ABCF3: variants seen among roughly 807,000 people sequenced by gnomAD.
ABCF3 encodes ATP-binding cassette sub-family F member 3.
In ABCF3, 62 loss-of-function variants were observed where a neutral mutation model predicts 94.3. The observed-to-expected ratio is 0.66, with a 90% confidence interval of 0.54 to 0.81. ABCF3 has a LOEUF of 0.81. ABCF3 is among the 40% of genes least tolerant of loss of function. ABCF3 has a pLI of 0.00. For synonymous variants in ABCF3, 355 were observed against 361.1 expected (o/e 0.98, Z 0.19); for missense variants, 843 against 925.3 (o/e 0.91, Z 1.15).
At position 184,192,683 on chromosome 3, in the gene ABCF3, C is replaced by T; in HGVS notation, c.1652C>T (p.Ala551Val). The change falls in exon 17 of 21, where the codon GCT becomes GTT. Residue 551 changes from alanine (A) to valine (V), a missense_variant. Coordinates refer to ENST00000429586, the MANE Select transcript of ABCF3 (RefSeq NM_018358.3). ...DLAPVRGIRH[A>V]HRNLKIGYFS... ...GCACCTGTTCGGGGCATCAGACACG[C>T]TCACAGGTCAGGCCCACCCGCACCC... is the stretch of plus-strand genomic sequence containing the variant. The T allele has an allele frequency of 1.2e-6, 2 of 1,610,796 alleles. No homozygotes were observed. Among genetic ancestry groups the T allele is most frequent in the Non-Finnish European group, 1.7e-6 (2 of 1,178,980 alleles).
intron 3 of ABCF3, 141 bp from the exon 4 acceptor site, chr3:184,187,256 G>C (rs1715693317): frequency 5.5e-6 from 5 of 902,172 alleles, no homozygotes; most frequent in Non-Finnish European, 8.8e-6. Flanking sequence ...TTTAGTGCAG[G>C]GAAGATAATA....
chr3:184,186,915 C>A (rs760274008), intron 3 of ABCF3, 40 bp downstream of exon 3: 1 of 1,588,090 alleles, frequency 6.3e-7, no homozygotes, highest in South Asian at 1.1e-5. Context: ...CCCCCCTGTG[C>A]TTTTCTCCGC....
At chr3:184,186,318 G>C (rs749812144) in intron 1 of ABCF3, 38 bp downstream of exon 1, 2 of 1,613,184 alleles carry the variant, frequency 1.2e-6, no homozygotes, top group African/African-American at 2.7e-5. Flanking sequence ...GGAGACCGAA[G>C]TGGAGGCCGG....
intron 5 of ABCF3, 22 bp downstream of exon 5, chr3:184,187,783 C>T (rs769306232): frequency 4.3e-6 from 7 of 1,614,112 alleles, no homozygotes; most frequent in East Asian, 4.5e-5. Flanking sequence ...AAGCATGGCT[C>T]AGAAGAGAGC....
chr3:184,192,977 G>C (rs1322976764), intron 18 of ABCF3, 81 bp downstream of exon 18: 1 of 1,586,056 alleles, frequency 6.3e-7, no homozygotes, highest in African/African-American at 1.3e-5. Context: ...GGCCTGCCTT[G>C]GGGTGCGTGC....
In ABCF3 at chr3:184,193,320, T is replaced by A. The variant is rs1716147217; in HGVS notation, c.1884-45T>A. ...CTGTATCAGAAGGCTTTATTTTCTC[T>A]CACCGCACCCCTTCACTGCCCACCT... is the stretch of plus-strand genomic sequence containing the variant. On this transcript the variant is annotated intron_variant, in intron 19 of 20. Transcript: ENST00000429586. The surrounding 1 kb of genome is among the most constrained non-coding windows in gnomAD (Gnocchi z 5.2). The A allele has an allele frequency of 6.2e-7, 1 of 1,613,456 alleles. No homozygotes were observed. Among genetic ancestry groups the A allele is most frequent in the Admixed American group, 1.7e-5 (1 of 59,924 alleles).
At chr3:184,187,782 T>G in intron 5 of ABCF3, 21 bp downstream of exon 5, 1 of 1,614,098 alleles carries the variant, frequency 6.2e-7, no homozygotes, top group Non-Finnish European at 8.5e-7. Context: ...GAAGCATGGC[T>G]CAGAAGAGAG....
In ABCF3 at chr3:184,187,946, G is replaced by A; in HGVS notation, c.532G>A (p.Val178Met). ...ESSGKNKSYD[V>M]RIENFDVSFG... ...ATCTGGCAAGAACAAATCCTATGAT[G>A]TGCGAATTGAGAACTTTGATGTGTC... Residue 178 changes from valine to methionine, a missense_variant, in exon 6 of 21, where the codon GTG becomes ATG. Val to Met is a conservative substitution (Grantham distance 21). Coordinates refer to ENST00000429586, the MANE Select transcript of ABCF3 (RefSeq NM_018358.3). 6.2e-7 allele frequency: 1 copy of A among 1,614,114 alleles called. No homozygotes were observed. Among genetic ancestry groups the A allele is most frequent in the South Asian group, 1.1e-5 (1 of 91,092 alleles).
chr3:184,186,793 T>C lies in ABCF3; in HGVS notation c.222-3T>C, dbSNP rs199591659. 24 of 1,613,372 alleles carry C rather than the reference T, an allele frequency of 1.5e-5. No individual in the cohort carries two copies. The highest frequency in any genetic ancestry group is 2.0e-5 in the Non-Finnish European group (24 of 1,179,656). On this transcript the variant is annotated splice_polypyrimidine_tract_variant and splice_region_variant and intron_variant, in intron 2 of 20. Coordinates refer to ENST00000429586, the MANE Select transcript of ABCF3 (RefSeq NM_018358.3). ...TCTGCGCTTTCTATCCCTACCCACA[T>C]AGGGCTGAGCCACAAAGCCAGGGAA...
chr3:184,188,711 C>T, intron 7 of ABCF3, 50 bp from the exon 8 acceptor site: 1 of 1,575,194 alleles, frequency 6.3e-7, no homozygotes, highest in Non-Finnish European at 8.7e-7. Flanking sequence ...TGCAGGACAT[C>T]CTCCTAGACT....
rs1340845496 is a variant in ABCF3 at position 184,187,953 on chromosome 3, T to C, written c.539T>C (p.Ile180Thr). ...SGKNKSYDVR[I>T]ENFDVSFGDR... ...AAGAACAAATCCTATGATGTGCGAA[T>C]TGAGAACTTTGATGTGTCTTTTGGC... Residue 180 changes from isoleucine to threonine, a missense_variant, in exon 6 of 21, where the codon ATT becomes ACT. Coordinates refer to ENST00000429586, the MANE Select transcript of ABCF3 (RefSeq NM_018358.3). The C allele has an allele frequency of 6.2e-7, 1 of 1,614,000 alleles. No individual in the cohort carries two copies.
At position 184,191,219 on chromosome 3, in the gene ABCF3, C is replaced by G; in HGVS notation, c.1533C>G (p.Leu511=). 1.9e-6 allele frequency: 3 copies of G among 1,614,232 alleles called. No homozygotes were observed. Among genetic ancestry groups the G allele is most frequent in the Non-Finnish European group, 1.7e-6 (2 of 1,180,044 alleles). ...YDPKHVIFSR[L]SVSADLESRI... is the part of the protein sequence containing the mutation. ...CGAAGCACGTCATCTTCAGTCGCCTCTCTGTGTCTGCTGATCTCGAGTCTC... is the reference window on the plus strand; with the variant it reads ...CGAAGCACGTCATCTTCAGTCGCCTGTCTGTGTCTGCTGATCTCGAGTCTC... Residue 511 remains leucine (L), a synonymous_variant, in exon 16 of 21, where the codon CTC becomes CTG. Transcript: ENST00000429586.
In ABCF3 at chr3:184,191,033, G is replaced by A. The variant is rs760239106; in HGVS notation, c.1426G>A (p.Val476Ile). Residue 476 changes from valine (V) to isoleucine (I), a missense_variant, in exon 15 of 21, where the codon GTC becomes ATC. Val to Ile is a conservative substitution (Grantham distance 29). Coordinates refer to ENST00000429586, the MANE Select transcript of ABCF3 (RefSeq NM_018358.3). ...ELKPVDKESEVVMKFPDGFEK... is the reference protein window; with the variant it reads ...ELKPVDKESEIVMKFPDGFEK... ...GAAGCCTGTGGACAAGGAATCAGAG[G>A]TCGTAATGAAGTAAGTGCTGGGCCA... The A allele has an allele frequency of 2.5e-6, 4 of 1,614,154 alleles. No homozygotes were observed. Among genetic ancestry groups the A allele is most frequent in the South Asian group, 1.1e-5 (1 of 91,080 alleles).
chr3:184,187,988 G>C lies in ABCF3; in HGVS notation c.569+5G>C. 6.2e-7 allele frequency: 1 copy of C among 1,613,934 alleles called. No homozygotes were observed. The highest frequency in any genetic ancestry group is 1.1e-5 in the South Asian group (1 of 91,088). ...TGATGTGTCTTTTGGCGATAGGTGA[G>C]GGAATAGTGGTGGCAGGGGTTGGCT... is the stretch of plus-strand genomic sequence containing the variant. On this transcript the variant is annotated splice_donor_5th_base_variant and intron_variant, in intron 6 of 20. Coordinates refer to ENST00000429586, the MANE Select transcript of ABCF3 (RefSeq NM_018358.3).
In ABCF3 at chr3:184,189,394, C is replaced by A. The variant is rs764823398; in HGVS notation, c.1064C>A (p.Thr355Lys). 2 of 1,614,172 alleles carry A rather than the reference C, an allele frequency of 1.2e-6. No homozygotes were observed. Among genetic ancestry groups the A allele is most frequent in the Admixed American group, 1.7e-5 (1 of 60,030 alleles). ...TGCTCCCCTGCTTCTCCAGAACCTA[C>A]AAACATGCTGGATGTCAGGGCCATC... ...RPDLLLLDEP[T>K]NMLDVRAILW... Residue 355 changes from threonine (T) to lysine (K), a missense_variant, in exon 12 of 21, where the codon ACA (threonine) becomes AAA (lysine). By Grantham distance (78) the Thr-to-Lys change is moderately conservative (BLOSUM62 -1). Coordinates refer to ENST00000429586, the MANE Select transcript of ABCF3 (RefSeq NM_018358.3).
At chr3:184,187,467 G>A in intron 4 of ABCF3, 24 bp downstream of exon 4, 1 of 1,609,132 alleles carries the variant, frequency 6.2e-7, no homozygotes, top group Non-Finnish European at 8.5e-7. Context: ...AGCAAGGGAG[G>A]GGACTGTCTG....
Position 184,193,453 on chromosome 3 carries a change from G to T in ABCF3, c.1971+1G>T, listed in dbSNP as rs1369124832. The T allele has an allele frequency of 1.2e-6, 2 of 1,614,138 alleles. No homozygotes were observed. The highest frequency in any genetic ancestry group is 1.7e-6 in the Non-Finnish European group (2 of 1,180,024). Reference sequence around the variant, plus strand: ...GGGCCGTGCCCTCAACAATTTCAGGGTGAGTGTGCCTTCACCCTGACCACT... The same window carrying T: ...GGGCCGTGCCCTCAACAATTTCAGGTTGAGTGTGCCTTCACCCTGACCACT... On this transcript the variant is annotated splice_donor_variant, in intron 20 of 20. Transcript: ENST00000429586. LOFTEE classifies it high-confidence loss of function. This position sits in a 1 kb window ranked among gnomAD's most constrained non-coding sequence, Gnocchi z 5.2.
intron 14 of ABCF3, chr3:184,190,156 C>T (rs1715925902): frequency 1.7e-6 from 1 of 588,086 alleles, no homozygotes; most frequent in East Asian, 2.8e-5. Context: ...TTCTACGTAT[C>T]TGCTTATTCT....
intron 1 of ABCF3, 39 bp from the exon 2 acceptor site, chr3:184,186,468 C>T (rs1268788055): frequency 1.9e-6 from 3 of 1,591,578 alleles, no homozygotes; most frequent in Non-Finnish European, 2.6e-6. Flanking sequence ...TGTGTCCACC[C>T]TACCCGATAC....
Sources: gnomAD v4.1 joint callset for allele counts on GRCh38, gnomAD v4.1.1 for gene constraint, Gnocchi (gnomAD v3.1) non-coding constraint, MANE v1.5 for transcripts, NCBI Gene and HGNC (gene_info 2026-07-23, HGNC 2026-07-21) for gene names.